Variants in PIAS2 observed in about 807,000 individuals in gnomAD.
The protein encoded by PIAS2 is protein inhibitor of activated STAT 2, also known as E3 SUMO-protein ligase PIAS2.
Under a neutral mutation model 69.7 loss-of-function variants are expected in PIAS2, and 19 were observed. The ratio of observed to expected loss-of-function variants is 0.27; its 90% CI spans 0.19 to 0.40. PIAS2 has a LOEUF of 0.40. Among genes scored for constraint, PIAS2 ranks in the 10% least tolerant of loss-of-function variants. The probability of loss-of-function intolerance (pLI) is 1.00; values close to 1 mark genes in which losing one functional copy is unlikely to be tolerated. For missense variants in PIAS2, 624 were observed against 757.0 expected, an observed-to-expected ratio of 0.82 and a Z score of 2.06; for synonymous variants, 261 against 263.2, an observed-to-expected ratio of 0.99 and a Z score of 0.08.
intron 8 of PIAS2, among the ~76,000 whole-genome samples, chr18:46,838,926 G>A (rs1342529377): frequency 6.6e-6 from 1 of 152,062 alleles, no homozygotes; most frequent in African/African-American, 2.4e-5. Context: ...TTCCTCCTTT[G>A]CTAAGTTTTT....
In PIAS2 at chr18:46,809,028, A is replaced by G. The variant is rs2144675209; in HGVS notation, c.*3405T>C. 1 of 152,306 alleles carries G rather than the reference A, an allele frequency of 6.6e-6. No individual in the cohort carries two copies. The highest frequency in any genetic ancestry group is 2.4e-5 in the African/African-American group (1 of 41,568). 9.4% of individuals were successfully genotyped at this position (152,306 alleles called of 1,614,324 possible). ...ACTGGTCTGAAGGAAGAACATCTGA[A>G]AGGTCTGAATGTCAAAGTCAGAACA... On this transcript the variant is annotated 3_prime_UTR_variant, in exon 14 of 14. Transcript: ENST00000585916.
chr18:46,829,748 C>T lies in PIAS2; in HGVS notation c.1322G>A (p.Cys441Tyr). The T allele has an allele frequency of 6.2e-7, 1 of 1,612,226 alleles. No individual in the cohort carries two copies. The highest frequency in any genetic ancestry group is 8.5e-7 in the Non-Finnish European group (1 of 1,179,338). The change falls in exon 10 of 14, where the codon TGT becomes TAT. Residue 441 changes from cysteine (C) to tyrosine (Y), a missense_variant. By Grantham distance (194) the Cys-to-Tyr change is radical. Around this residue, in one of 3 missense-constraint regions of PIAS2, gnomAD observed 241 missense variants for 257.3 expected, o/e 0.94. Coordinates refer to ENST00000585916, the MANE Select transcript of PIAS2 (RefSeq NM_004671.5). ...KEAMKVSSQP[C>Y]TKIESSSVLS... Reference sequence around the variant, plus strand: ...TCTACACATACTTTCTATTTTTGTACACGGTTGGCTGGATACTTTCATAGC... The same window carrying T: ...TCTACACATACTTTCTATTTTTGTATACGGTTGGCTGGATACTTTCATAGC...
intron 1 of PIAS2, among the ~76,000 whole-genome samples, chr18:46,909,030 T>C (rs1015820933): frequency 6.6e-6 from 1 of 151,958 alleles, no homozygotes; most frequent in African/African-American, 2.4e-5. Context: ...ATAAAAATGA[T>C]TTAAAAGTGA....
intron 2 of PIAS2, among the ~76,000 whole-genome samples, chr18:46,884,645 G>C (rs1332087220): frequency 1.3e-5 from 2 of 151,988 alleles, no homozygotes; most frequent in Admixed American, 6.5e-5. Flanking sequence ...GCCAGGTGCC[G>C]TGGCTCACGC....
At chr18:46,898,806 C>T (rs1018410795) in intron 1 of PIAS2, among the ~76,000 whole-genome samples, 11 of 151,934 alleles carry the variant, frequency 7.2e-5, no homozygotes, top group East Asian at 1.9e-4. Context: ...CCAGCATGGA[C>T]GACACGGTGA....
Position 46,817,273 on chromosome 18 carries a change from T to C in PIAS2, c.1649-1924A>G, listed in dbSNP as rs528790442. ...AAGTATTGACAATGGTGTTGGAATATTGTGTACTGAAGCCAAGCCACTCAA... is the reference window on the plus strand; with the variant it reads ...AAGTATTGACAATGGTGTTGGAATACTGTGTACTGAAGCCAAGCCACTCAA... On this transcript the variant is annotated intron_variant, in intron 12 of 13. Transcript: ENST00000585916. 66 of 984,922 alleles carry C rather than the reference T, an allele frequency of 6.7e-5. No individual in the cohort carries two copies. In the African/African-American group the frequency reaches 1.0e-3, roughly 16 times the overall value. The allele number at this position is 984,922 out of a possible 1,614,324, so 61.0% of individuals were successfully genotyped here. A position where few individuals can be genotyped will look rare whatever the true frequency, so the allele number is the denominator to read the frequency against.
chr18:46,848,753 GA>G (rs1241452516), intron 5 of PIAS2, among the ~76,000 whole-genome samples: 4 of 149,538 alleles, frequency 2.7e-5, no homozygotes, highest in Non-Finnish European at 5.9e-5. Flanking sequence ...ATATGGAAAT[GA>G]AAGAGAGAGA....
In PIAS2 at chr18:46,805,073, C is replaced by T. The variant is rs1599195567; in HGVS notation, c.*7360G>A. On this transcript the variant is annotated 3_prime_UTR_variant, in exon 14 of 14. Coordinates refer to ENST00000585916, the MANE Select transcript of PIAS2 (RefSeq NM_004671.5). ...GTGGGGAAGAAATCATGCTTTCGGA[C>T]TGTCCCTTCTGTTTGAATTAAGCAG... is the stretch of plus-strand genomic sequence containing the variant. 3 of 152,334 alleles carry T rather than the reference C, an allele frequency of 2.0e-5. No homozygotes were observed. In the South Asian group the frequency reaches 6.2e-4, roughly 32 times the overall value. 9.4% of individuals were successfully genotyped at this position (152,334 alleles called of 1,614,324 possible). A position where few individuals can be genotyped will look rare whatever the true frequency, so the allele number is the denominator to read the frequency against.
chr18:46,904,754 C>CAA (rs767029961), intron 1 of PIAS2, among the ~76,000 whole-genome samples: 2,094 of 104,822 alleles, frequency 0.02, 24 homozygotes, highest in African/African-American at 0.029. Context: ...CCATCCGTCT[C>CAA]AAAAAAAAAA....
chr18:46,855,674 C>A, intron 3 of PIAS2, 59 bp from the exon 4 acceptor site: 2 of 1,306,176 alleles, frequency 1.5e-6, no homozygotes, highest in East Asian at 2.3e-5. Context: ...TCAGAACAGT[C>A]TCCCCAGGAG....
chr18:46,847,894 A>G (rs1319123096), intron 5 of PIAS2, among the ~76,000 whole-genome samples: 1 of 152,232 alleles, frequency 6.6e-6, no homozygotes, highest in Non-Finnish European at 1.5e-5. Context: ...TATATTTTTT[A>G]GAAAATTAAA....
chr18:46,865,518 T>C (rs889467803), intron 2 of PIAS2, among the ~76,000 whole-genome samples: 1 of 104,932 alleles, frequency 9.5e-6, no homozygotes, highest in Non-Finnish European at 1.9e-5. Flanking sequence ...ACAGCGATAG[T>C]CTTCAAAAAA....
chr18:46,823,545 C>T (rs186226116), intron 11 of PIAS2, among the ~76,000 whole-genome samples: 232 of 152,254 alleles, frequency 1.5e-3, no homozygotes, highest in Admixed American at 2.8e-3. Flanking sequence ...AATAACTGTA[C>T]GTGTCCTGTC....
chr18:46,821,813 T>C (rs1305593512), intron 11 of PIAS2, among the ~76,000 whole-genome samples: 1 of 152,230 alleles, frequency 6.6e-6, no homozygotes, highest in Non-Finnish European at 1.5e-5. Context: ...ATTGGTATTA[T>C]ATAAAACTGT....
chr18:46,831,040 G>A (rs1283104849), intron 9 of PIAS2, among the ~76,000 whole-genome samples: 3 of 152,078 alleles, frequency 2.0e-5, no homozygotes, highest in Non-Finnish European at 2.9e-5. Flanking sequence ...ATAATTCACC[G>A]TATTACCAGA....
chr18:46,902,224 T>C (rs2055970428), intron 1 of PIAS2, among the ~76,000 whole-genome samples: 1 of 149,132 alleles, frequency 6.7e-6, no homozygotes, highest in African/African-American at 2.5e-5. Context: ...ACTTATATGC[T>C]GAAAGCTACA....
chr18:46,820,037 T>A (rs1481656148), intron 12 of PIAS2, among the ~76,000 whole-genome samples: 1 of 152,116 alleles, frequency 6.6e-6, no homozygotes, highest in Non-Finnish European at 1.5e-5. Flanking sequence ...AGTTTTAAAT[T>A]ACACACTATT....
intron 1 of PIAS2, among the ~76,000 whole-genome samples, chr18:46,911,913 T>C (rs1170604279): frequency 6.6e-6 from 1 of 152,136 alleles, no homozygotes; most frequent in Non-Finnish European, 1.5e-5. Context: ...TAGCCAGGCA[T>C]GGTTGCAGGT....
chr18:46,857,048 A>ACATGGT (rs2145478759), intron 3 of PIAS2, among the ~76,000 whole-genome samples: 2 of 152,364 alleles, frequency 1.3e-5, no homozygotes, highest in South Asian at 4.1e-4. Context: ...TGTTAACAAC[A>ACATGGT]CATGTCAAGT....
Sources: allele counts gnomAD v4.1 joint callset (sites outside exome capture counted in the v4.1 genomes callset), GRCh38; gene constraint gnomAD v4.1.1; regional missense constraint gnomAD v4.1.1; transcripts MANE v1.5; gene names NCBI Gene and HGNC (gene_info 2026-07-23, HGNC 2026-07-21).